Variants in PLCG2 observed in about 807,000 individuals in gnomAD.
PLCG2 encodes the protein phospholipase C gamma 2, also known as 1-phosphatidylinositol 4,5-bisphosphate phosphodiesterase gamma-2.
In PLCG2, 69 loss-of-function variants were observed where a neutral mutation model predicts 175.6. That is an observed-to-expected ratio of 0.39 (90% CI 0.32 to 0.48). The LOEUF (loss-of-function observed/expected upper bound fraction) is 0.48, where lower values mean the gene tolerates loss of function less well. Among genes scored for constraint, PLCG2 ranks in the 20% least tolerant of loss-of-function variants. PLCG2 has a pLI of 0.91. For missense variants in PLCG2, 1,798 were observed against 1,650.9 expected (o/e 1.09, Z -1.54); for synonymous variants, 827 against 624.0 (o/e 1.33, Z -4.85).
intron 2 of PLCG2, chr16:81,799,013 C>G (rs561763294): frequency 6.6e-6 from 1 of 152,462 alleles, no homozygotes; most frequent in South Asian, 2.1e-4. Context: ...GGGCCCGTGT[C>G]CCTGGGGAGG....
At chr16:81,937,016 C>A (rs1008887201) in intron 27 of PLCG2, among the ~76,000 whole-genome samples, 2 of 152,176 alleles carry the variant, frequency 1.3e-5, no homozygotes, top group Non-Finnish European at 2.9e-5. Flanking sequence ...GAGCGCCATT[C>A]CACAGATGTA....
In PLCG2 at chr16:81,961,199, ATCATAAAGCTTCC is replaced by A. The variant is rs1911765934; in HGVS notation, c.*3202_*3214del. On this transcript the variant is annotated 3_prime_UTR_variant, in exon 33 of 33. Coordinates refer to ENST00000564138, the MANE Select transcript of PLCG2 (RefSeq NM_002661.5). ...GTTGGAAGAATTCAGTGATTCTGCT[ATCATAAAGCTTCC>A]GTTCCCATTGATGTATCTGTGTGAA... 8.8e-6 allele frequency: 2 copies of A among 227,560 alleles called. No homozygotes were observed. The highest frequency in any genetic ancestry group is 4.4e-5 in the African/African-American group (2 of 45,052). The allele number at this position is 227,560 out of a possible 1,614,324, so 14.1% of individuals were successfully genotyped here.
intron 7 of PLCG2, among the ~76,000 whole-genome samples, chr16:81,879,196 A>T (rs982263781): frequency 6.6e-6 from 1 of 152,176 alleles, no homozygotes; most frequent in Non-Finnish European, 1.5e-5. Flanking sequence ...CTCCCTCCAG[A>T]TGTAAATAAG....
chr16:81,843,608 T>G (rs1326977960), intron 2 of PLCG2, among the ~76,000 whole-genome samples: 6 of 152,266 alleles, frequency 3.9e-5, no homozygotes, highest in African/African-American at 1.4e-4. Context: ...TTTTGGGTGC[T>G]TTGATGAACC....
intron 2 of PLCG2, among the ~76,000 whole-genome samples, chr16:81,791,056 T>C (rs9923424): frequency 0.99 from 150,654 of 152,292 alleles, 74,539 homozygotes; most frequent in East Asian, 1. Context: ...TTGGATGGAA[T>C]TTTCTCATTT....
intron 31 of PLCG2, among the ~76,000 whole-genome samples, chr16:81,956,196 TTTCA>T (rs1911560968): frequency 6.6e-6 from 1 of 152,212 alleles, no homozygotes; most frequent in Non-Finnish European, 1.5e-5. Flanking sequence ...AGCATAATGT[TTTCA>T]AGGTTCATCC....
At chr16:81,742,158 G>C (rs868823487) in intron 1 of PLCG2, among the ~76,000 whole-genome samples, 3 of 143,058 alleles carry the variant, frequency 2.1e-5, no homozygotes, top group Non-Finnish European at 4.6e-5. Context: ...TGGGGGCGGG[G>C]GGGGGGGCGG....
intron 32 of PLCG2, 131 bp downstream of exon 32, chr16:81,957,010 G>C (rs1911600855): frequency 1.8e-6 from 1 of 566,430 alleles, no homozygotes; most frequent in Admixed American, 4.0e-5. Context: ...GGGCATGGTG[G>C]CTCACAGGCC....
intron 2 of PLCG2, among the ~76,000 whole-genome samples, chr16:81,800,685 A>C (rs138170755): frequency 0.011 from 1,642 of 151,956 alleles, 30 homozygotes; most frequent in African/African-American, 0.038. Context: ...TATTATTATT[A>C]TTATTGTTAT....
intron 5 of PLCG2, among the ~76,000 whole-genome samples, chr16:81,864,777 G>C (rs12102535): frequency 0.82 from 125,023 of 152,132 alleles, 52,758 homozygotes; most frequent in East Asian, 0.99. Flanking sequence ...CATCCTTAAT[G>C]GTTTGGTGAT....
chr16:81,871,909 A>G (rs1238777306), intron 7 of PLCG2, among the ~76,000 whole-genome samples: 1 of 152,212 alleles, frequency 6.6e-6, no homozygotes, highest in Non-Finnish European at 1.5e-5. Flanking sequence ...ATGTGACATT[A>G]TGCAGCTGAT....
intron 1 of PLCG2, among the ~76,000 whole-genome samples, chr16:81,779,640 C>T (rs753174279): frequency 6.6e-6 from 1 of 152,042 alleles, no homozygotes; most frequent in Non-Finnish European, 1.5e-5. Flanking sequence ...CACTTCCTCA[C>T]CCCGGGCCGG....
chr16:81,781,267 AT>A (rs919312304), intron 1 of PLCG2, among the ~76,000 whole-genome samples: 1 of 152,082 alleles, frequency 6.6e-6, no homozygotes, highest in Non-Finnish European at 1.5e-5. Flanking sequence ...GTCTGAAGCT[AT>A]TTTTTTATTG....
rs554933911 is a variant in PLCG2 at position 81,797,843 on chromosome 16, T to C, written c.193+11661T>C. On this transcript the variant is annotated intron_variant, in intron 2 of 32. Coordinates refer to ENST00000564138, the MANE Select transcript of PLCG2 (RefSeq NM_002661.5). ...CAGTTTTCTTTTTTCTTGTCTTTTT[T>C]TTTTTTGAGATGGAGTCTCACTCTG... 2.0e-4 allele frequency among the ~76,000 whole-genome samples: 30 copies of C among 152,028 alleles called. No individual in the cohort carries two copies. The South Asian group carries it at 5.8e-3, about 30-fold the overall frequency.
intron 2 of PLCG2, among the ~76,000 whole-genome samples, chr16:81,814,441 C>A (rs1209467864): frequency 6.6e-6 from 1 of 151,942 alleles, no homozygotes; most frequent in Non-Finnish European, 1.5e-5. Context: ...GCCTGTAATC[C>A]CAGCACTTGT....
intron 2 of PLCG2, 114 bp from the exon 3 acceptor site, chr16:81,854,330 G>T: frequency 1.1e-6 from 1 of 912,616 alleles, no homozygotes. Context: ...TAGCTTTGCG[G>T]GATCCTGTTG....
At chr16:81,785,775 T>C in intron 1 of PLCG2, 168 bp from the exon 2 acceptor site, 1 of 523,568 alleles carries the variant, frequency 1.9e-6, no homozygotes, top group East Asian at 3.4e-5. Flanking sequence ...AACCTTTGTG[T>C]CCTGCCTTAG....
chr16:81,821,353 A>G (rs2143336719), intron 2 of PLCG2, among the ~76,000 whole-genome samples: 1 of 152,376 alleles, frequency 6.6e-6, no homozygotes. Flanking sequence ...CATAGTGGTG[A>G]ATACTGGAGG....
intron 2 of PLCG2, among the ~76,000 whole-genome samples, chr16:81,811,795 G>A (rs1190394668): frequency 6.6e-6 from 1 of 152,134 alleles, no homozygotes; most frequent in African/African-American, 2.4e-5. Flanking sequence ...TTGGTTCCAT[G>A]TCTTTGCTCT....
Sources: allele counts gnomAD v4.1 joint callset (sites outside exome capture counted in the v4.1 genomes callset), GRCh38; gene constraint gnomAD v4.1.1; transcripts MANE v1.5; gene names NCBI Gene and HGNC (gene_info 2026-07-23, HGNC 2026-07-21).